The following SFMBT2 variants were observed in gnomAD, a reference collection of about 807,000 sequenced individuals.
SFMBT2 encodes the protein Scm like with four mbt domains 2.
SFMBT2 carries 38 observed loss-of-function variants against 110.1 expected under a neutral mutation model. The ratio of observed to expected loss-of-function variants is 0.35; its 90% CI spans 0.27 to 0.45. SFMBT2 has a LOEUF of 0.45. Ranked by LOEUF, SFMBT2 falls within the 20% of genes least tolerant of loss-of-function variation. SFMBT2 has a pLI of 1.00. For missense variants in SFMBT2, 1,011 were observed against 1,094.9 expected, an observed-to-expected ratio of 0.92 and a Z score of 1.08; for synonymous variants, 425 against 425.4, an observed-to-expected ratio of 1.00 and a Z score of 0.01.
intron 16 of SFMBT2, among the ~76,000 whole-genome samples, chr10:7,176,970 G>A (rs1294192236): frequency 1.3e-5 from 2 of 152,072 alleles, no homozygotes; most frequent in East Asian, 1.9e-4. Context: ...TGGTAATGCC[G>A]CTTGCCATAC....
chr10:7,183,893 T>C (rs1838318438), intron 16 of SFMBT2, among the ~76,000 whole-genome samples: 1 of 152,194 alleles, frequency 6.6e-6, no homozygotes, highest in Admixed American at 6.5e-5. Flanking sequence ...CCCTCTGAGT[T>C]ATTCATCACT....
intron 10 of SFMBT2, among the ~76,000 whole-genome samples, chr10:7,221,443 G>A (rs1839734000): frequency 6.6e-6 from 1 of 151,970 alleles, no homozygotes; most frequent in South Asian, 2.1e-4. Flanking sequence ...GCACATGCCC[G>A]TAATCCCGGC....
In SFMBT2 at chr10:7,370,374, T is replaced by G; in HGVS notation, c.102A>C (p.Glu34Asp). The change falls in exon 3 of 21, where the codon GAA becomes GAC. Residue 34 changes from glutamate to aspartate, a missense_variant and splice_region_variant. By Grantham distance (45) the Glu-to-Asp change is conservative (BLOSUM62 2). Coordinates refer to ENST00000397167, the MANE Select transcript of SFMBT2 (RefSeq NM_001387889.1). ...CAGTTTCCTCCAAGCTTGAGCCTTC[T>G]TCTGTTGAAAAACAAAAGAACAGAA... ...SANGNGDLDS[E>D]EGSSLEETGF... The G allele has an allele frequency of 6.2e-7, 1 of 1,613,906 alleles. No individual in the cohort carries two copies. Among genetic ancestry groups the G allele is most frequent in the Non-Finnish European group, 8.5e-7 (1 of 1,179,810 alleles).
At chr10:7,254,132 C>G (rs1273566166) in intron 7 of SFMBT2, among the ~76,000 whole-genome samples, 1 of 152,140 alleles carries the variant, frequency 6.6e-6, no homozygotes, top group East Asian at 1.9e-4. Context: ...GCCAAACTCC[C>G]TCATTTATGC....
intron 1 of SFMBT2, among the ~76,000 whole-genome samples, chr10:7,393,008 TATATATATATATATATATATATATATAA>T (rs1460884828): frequency 1.9e-4 from 15 of 78,316 alleles, no homozygotes; most frequent in African/African-American, 1.1e-3. Context: ...TATATATATA[TATATATATATATATATATATATATATAA>T]TTTTTTTTTT....
rs1341752627 is a variant in SFMBT2, at chr10:7,172,160, TG to T, written c.2152-3del. 2.6e-6 allele frequency: 4 copies of T among 1,541,112 alleles called. No homozygotes were observed. The highest frequency in any genetic ancestry group is 1.4e-5 in the African/African-American group (1 of 72,104). The stretch of plus-strand genomic sequence containing the variant: ...GTCAGCGTCCTCCTCTTCACTTTCC[TG>T]GGAAGGAGGAAAAGGCATTTAAGGG... On this transcript the variant is annotated splice_region_variant and splice_polypyrimidine_tract_variant and intron_variant, in intron 18 of 20. Transcript: ENST00000397167. This position sits in a 1 kb window ranked among gnomAD's most constrained non-coding sequence, Gnocchi z 4.6.
chr10:7,281,746 G>T (rs1841953810), intron 6 of SFMBT2, among the ~76,000 whole-genome samples: 1 of 152,132 alleles, frequency 6.6e-6, no homozygotes, highest in African/African-American at 2.4e-5. Flanking sequence ...GGAGTGTCTT[G>T]TCACTTTTTA....
chr10:7,322,005 G>A (rs1416272300), intron 4 of SFMBT2, among the ~76,000 whole-genome samples: 2 of 152,068 alleles, frequency 1.3e-5, no homozygotes, highest in Non-Finnish European at 2.9e-5. Context: ...TGACAAATAG[G>A]ACCAGCACTT....
intron 4 of SFMBT2, among the ~76,000 whole-genome samples, chr10:7,346,272 T>C (rs1844105254): frequency 6.6e-6 from 1 of 152,232 alleles, no homozygotes; most frequent in Non-Finnish European, 1.5e-5. Flanking sequence ...TTCTAGACAC[T>C]TGTAGGATCT....
chr10:7,198,387 C>T (rs773344650), intron 14 of SFMBT2, among the ~76,000 whole-genome samples: 6 of 152,192 alleles, frequency 3.9e-5, no homozygotes, highest in Admixed American at 1.3e-4. Context: ...ATCTTCTACA[C>T]GTGGGCAACA....
chr10:7,235,692 A>G (rs1460693069), intron 9 of SFMBT2, among the ~76,000 whole-genome samples: 2 of 152,056 alleles, frequency 1.3e-5, no homozygotes, highest in African/African-American at 4.8e-5. Context: ...CAAATCCTCA[A>G]TCTCAAAATG....
At chr10:7,227,718 A>G in intron 10 of SFMBT2, 137 bp downstream of exon 10, 1 of 716,900 alleles carries the variant, frequency 1.4e-6, no homozygotes, top group Non-Finnish European at 2.3e-6. Context: ...GAGCTTTCCA[A>G]AAACTACAGA....
intron 1 of SFMBT2, among the ~76,000 whole-genome samples, chr10:7,405,207 A>C (rs1846181281): frequency 6.6e-6 from 1 of 152,184 alleles, no homozygotes; most frequent in South Asian, 2.1e-4. Context: ...CATCATCCAT[A>C]TCATAAACAT....
chr10:7,216,769 C>T (rs976327698), intron 11 of SFMBT2, among the ~76,000 whole-genome samples: 2 of 152,196 alleles, frequency 1.3e-5, no homozygotes, highest in African/African-American at 4.8e-5. Context: ...GAATCCCCAT[C>T]CGTATCTTAA....
chr10:7,266,363 T>G (rs1334950928), intron 7 of SFMBT2, among the ~76,000 whole-genome samples: 3 of 152,204 alleles, frequency 2.0e-5, no homozygotes, highest in African/African-American at 7.2e-5. Context: ...CTGCTGGGAT[T>G]ACAGGCATGA....
At chr10:7,355,106 C>T (rs1844462408) in intron 4 of SFMBT2, among the ~76,000 whole-genome samples, 1 of 152,202 alleles carries the variant, frequency 6.6e-6, no homozygotes, top group Non-Finnish European at 1.5e-5. Context: ...TCTACTTCAT[C>T]TTAATTCTTT....
intron 16 of SFMBT2, 51 bp from the exon 17 acceptor site, chr10:7,176,216 A>C (rs532664753): frequency 6.3e-7 from 1 of 1,579,446 alleles, no homozygotes; most frequent in East Asian, 2.2e-5. Context: ...ATTATGATTC[A>C]GGCCTATTCT....
intron 2 of SFMBT2, among the ~76,000 whole-genome samples, chr10:7,379,668 A>G (rs1011739928): frequency 5.0e-5 from 7 of 139,466 alleles, no homozygotes; most frequent in African/African-American, 1.6e-4. Flanking sequence ...CCAATATCTG[A>G]AAAATGTTAA....
chr10:7,324,705 T>G (rs1407742149), intron 4 of SFMBT2, among the ~76,000 whole-genome samples: 1 of 152,184 alleles, frequency 6.6e-6, no homozygotes, highest in African/African-American at 2.4e-5. Context: ...ATCTCACAGT[T>G]CTGGAGGCTG....
Sources: gnomAD v4.1 joint callset for allele counts (sites outside exome capture counted in the v4.1 genomes callset) on GRCh38, gnomAD v4.1.1 for gene constraint, Gnocchi (gnomAD v3.1) non-coding constraint, MANE v1.5 for transcripts, NCBI Gene and HGNC (gene_info 2026-07-23, HGNC 2026-07-21) for gene names.